Variants in L3MBTL4 observed in about 807,000 individuals in gnomAD.
The protein encoded by L3MBTL4 is lethal(3)malignant brain tumor-like protein 4.
In L3MBTL4, 70 loss-of-function variants were observed where a neutral mutation model predicts 84.5. The ratio of observed to expected loss-of-function variants is 0.83; its 90% CI spans 0.68 to 1.01. The LOEUF (loss-of-function observed/expected upper bound fraction) is 1.01. Among genes scored for constraint, L3MBTL4 ranks in the 50% least tolerant of loss-of-function variants. The probability of loss-of-function intolerance (pLI) is 0.00; values close to 1 mark genes in which losing one functional copy is unlikely to be tolerated. For missense variants in L3MBTL4, 715 were observed against 754.8 expected, an observed-to-expected ratio of 0.95 and a Z score of 0.62; for synonymous variants, 274 against 259.8, an observed-to-expected ratio of 1.05 and a Z score of -0.52.
intron 12 of L3MBTL4, among the ~76,000 whole-genome samples, chr18:6,196,716 C>T (rs144832719): frequency 1.3e-5 from 2 of 152,274 alleles, no homozygotes; most frequent in South Asian, 4.2e-4. Context: ...AAATGCAGAG[C>T]CTGAATATTC....
chr18:6,408,480 A>G (rs1011593064), intron 1 of L3MBTL4, among the ~76,000 whole-genome samples: 6 of 152,292 alleles, frequency 3.9e-5, no homozygotes, highest in Admixed American at 6.5e-5. Context: ...TTAAATACAG[A>G]GACTTCACAT....
intron 14 of L3MBTL4, among the ~76,000 whole-genome samples, chr18:6,104,345 A>C (rs938425279): frequency 2.0e-5 from 3 of 152,192 alleles, no homozygotes; most frequent in Non-Finnish European, 4.4e-5. Flanking sequence ...TGATGCACAA[A>C]AGGATAAAGA....
chr18:5,960,635 G>C (rs2095258866), intron 17 of L3MBTL4: 1 of 152,364 alleles, frequency 6.6e-6, no homozygotes, highest in African/African-American at 2.4e-5. Flanking sequence ...CAGGAGATCA[G>C]AGAATCTATG....
At chr18:6,037,546 C>A (rs181787633) in intron 16 of L3MBTL4, among the ~76,000 whole-genome samples, 2 of 152,130 alleles carry the variant, frequency 1.3e-5, no homozygotes, top group African/African-American at 4.8e-5. Flanking sequence ...AAGGCCACCA[C>A]GCTCTACATG....
intron 16 of L3MBTL4, among the ~76,000 whole-genome samples, chr18:5,982,716 A>G (rs190103388): frequency 6.6e-6 from 1 of 152,356 alleles, no homozygotes; most frequent in East Asian, 1.9e-4. Flanking sequence ...GCTATTTTAA[A>G]AAAGTCCAGA....
chr18:6,057,373 C>T (rs2057062080), intron 16 of L3MBTL4, among the ~76,000 whole-genome samples: 1 of 152,050 alleles, frequency 6.6e-6, no homozygotes, highest in Admixed American at 6.6e-5. Context: ...AAAAACTAGG[C>T]AAGAGTGTAT....
chr18:6,059,019 GCA>G (rs1389830868), intron 16 of L3MBTL4, among the ~76,000 whole-genome samples: 1 of 152,198 alleles, frequency 6.6e-6, no homozygotes, highest in Non-Finnish European at 1.5e-5. Flanking sequence ...CCACAGCTCT[GCA>G]CAGTCAATAG....
intron 16 of L3MBTL4, among the ~76,000 whole-genome samples, chr18:6,008,535 G>C (rs1232672429): frequency 6.6e-6 from 1 of 152,090 alleles, no homozygotes; most frequent in Non-Finnish European, 1.5e-5. Flanking sequence ...CCTTTCCTAG[G>C]TGTGTGTGTG....
intron 10 of L3MBTL4, among the ~76,000 whole-genome samples, chr18:6,227,709 A>G (rs574127676): frequency 3.9e-5 from 6 of 152,344 alleles, no homozygotes; most frequent in African/African-American, 1.4e-4. Flanking sequence ...TATGGGTGTT[A>G]AAATCAATAA....
At chr18:6,292,202 G>A (rs2049897698) in intron 4 of L3MBTL4, among the ~76,000 whole-genome samples, 2 of 152,066 alleles carry the variant, frequency 1.3e-5, no homozygotes, top group South Asian at 4.2e-4. Flanking sequence ...GCTACTCAAT[G>A]GCTACGACAG....
At chr18:6,254,586 C>T (rs1475396126) in intron 5 of L3MBTL4, among the ~76,000 whole-genome samples, 1 of 152,040 alleles carries the variant, frequency 6.6e-6, no homozygotes, top group African/African-American at 2.4e-5. Flanking sequence ...TTATTTTGAA[C>T]ATTTTTCATA....
chr18:6,199,177 G>C (rs2045539236), intron 12 of L3MBTL4, among the ~76,000 whole-genome samples: 1 of 152,170 alleles, frequency 6.6e-6, no homozygotes, highest in African/African-American at 2.4e-5. Flanking sequence ...ATCCAACACA[G>C]CATCAGCTTC....
intron 1 of L3MBTL4, among the ~76,000 whole-genome samples, chr18:6,369,512 G>A (rs2054071578): frequency 6.6e-6 from 1 of 152,026 alleles, no homozygotes; most frequent in South Asian, 2.1e-4. Flanking sequence ...TATTTAGAAG[G>A]GATCACTCTA....
intron 14 of L3MBTL4, among the ~76,000 whole-genome samples, chr18:6,132,269 C>T (rs568060182): frequency 6.6e-6 from 1 of 152,126 alleles, no homozygotes; most frequent in African/African-American, 2.4e-5. Flanking sequence ...AACGCAAGGT[C>T]GAGAAACATC....
At chr18:5,992,855 ACCGTGAG>A (rs1463314505) in intron 16 of L3MBTL4, among the ~76,000 whole-genome samples, 1 of 152,206 alleles carries the variant, frequency 6.6e-6, no homozygotes, top group Non-Finnish European at 1.5e-5. Context: ...AGCCTGCAGA[ACCGTGAG>A]CCAATATGAC....
intron 16 of L3MBTL4, among the ~76,000 whole-genome samples, chr18:6,002,409 T>C (rs1268595754): frequency 2.6e-5 from 4 of 152,188 alleles, no homozygotes; most frequent in African/African-American, 9.6e-5. Context: ...AAAAACAGTA[T>C]TACTGTAATT....
At chr18:6,305,561 C>G (rs1331984522) in intron 3 of L3MBTL4, among the ~76,000 whole-genome samples, 1 of 152,084 alleles carries the variant, frequency 6.6e-6, no homozygotes, top group Non-Finnish European at 1.5e-5. Context: ...AAAATAAAAC[C>G]ATTACTGCGA....
At chr18:6,259,985 C>CTAGT (rs2048325139) in intron 5 of L3MBTL4, 3 of 152,148 alleles carry the variant, frequency 2.0e-5, no homozygotes, top group African/African-American at 4.8e-5. Flanking sequence ...GGTAGGGGGT[C>CTAGT]TAGTTTTAAT....
At chr18:6,329,699 C>G (rs1164089510) in intron 1 of L3MBTL4, among the ~76,000 whole-genome samples, 2 of 152,124 alleles carry the variant, frequency 1.3e-5, no homozygotes, top group Non-Finnish European at 2.9e-5. Context: ...GGGCTGAGCA[C>G]GTTGGCTCAT....
Sources: gnomAD v4.1 joint callset for allele counts (sites outside exome capture counted in the v4.1 genomes callset) on GRCh38, gnomAD v4.1.1 for gene constraint, MANE v1.5 for transcripts, NCBI Gene and HGNC (gene_info 2026-07-23, HGNC 2026-07-21) for gene names.